SAR1A: variants seen among roughly 807,000 people sequenced by gnomAD.
The protein encoded by SAR1A is secretion associated Ras related GTPase 1A, also known as small COPII coat GTPase SAR1A.
SAR1A carries 6 observed loss-of-function variants against 22.6 expected under a neutral mutation model. That is an observed-to-expected ratio of 0.27 (90% CI 0.15 to 0.52). SAR1A has a LOEUF of 0.52. SAR1A is among the 20% of genes least tolerant of loss of function. The pLI, the probability that SAR1A is intolerant of heterozygous loss-of-function variation, is 0.96. For synonymous variants in SAR1A, 70 were observed against 82.2 expected (o/e 0.85, Z 0.80); for missense variants, 145 against 245.1 (o/e 0.59, Z 2.73).
intron 1 of SAR1A, among the ~76,000 whole-genome samples, chr10:70,167,120 C>CA (rs1389019498): frequency 2.6e-5 from 4 of 152,112 alleles, no homozygotes; most frequent in Non-Finnish European, 5.9e-5. Context: ...TCATAGCTAT[C>CA]AAAAGCTACT....
chr10:70,161,117 C>A, intron 3 of SAR1A, 48 bp from the exon 4 acceptor site: 1 of 1,318,752 alleles, frequency 7.6e-7, no homozygotes, highest in Admixed American at 1.7e-5. Context: ...ACTCAACAAC[C>A]CCCAACTACT....
At chr10:70,164,222 CAA>C (rs199818175) in intron 1 of SAR1A, 3 of 545,946 alleles carry the variant, frequency 5.5e-6, no homozygotes, top group South Asian at 2.2e-5. Flanking sequence ...TCCCTACTGT[CAA>C]AAAAAAATAT....
chr10:70,153,767 T>A, intron 6 of SAR1A, 71 bp downstream of exon 6: 1 of 1,303,720 alleles, frequency 7.7e-7, no homozygotes, highest in South Asian at 1.6e-5. Context: ...AAGGGTAATC[T>A]AGATAGCGAA....
At chr10:70,163,673 A>G in intron 1 of SAR1A, 1 of 756,240 alleles carries the variant, frequency 1.3e-6, no homozygotes, top group Non-Finnish European at 2.5e-6. Flanking sequence ...GGAAACCAGT[A>G]GCACTTGCAG....
intron 6 of SAR1A, among the ~76,000 whole-genome samples, 173 bp from the exon 7 acceptor site, chr10:70,152,765 G>C (rs1327826968): frequency 6.6e-6 from 1 of 152,238 alleles, no homozygotes; most frequent in Non-Finnish European, 1.5e-5. Flanking sequence ...CGTGTTTTCA[G>C]GATAGAATAA....
intron 5 of SAR1A, chr10:70,155,180 G>A: frequency 4.2e-6 from 2 of 478,886 alleles, no homozygotes; most frequent in South Asian, 3.1e-5. Flanking sequence ...TCAGTATAAT[G>A]AATTCACAAA....
intron 1 of SAR1A, among the ~76,000 whole-genome samples, chr10:70,166,108 G>A (rs1407084332): frequency 2.0e-5 from 3 of 152,214 alleles, no homozygotes; most frequent in Non-Finnish European, 4.4e-5. Context: ...TAATGCTACT[G>A]TACACTTAAC....
intron 1 of SAR1A, among the ~76,000 whole-genome samples, chr10:70,165,262 C>T (rs1031049402): frequency 6.3e-5 from 3 of 47,976 alleles, no homozygotes; most frequent in Non-Finnish European, 1.4e-4. Context: ...GAGACTCCGT[C>T]TCAAAAAAAA....
intron 1 of SAR1A, among the ~76,000 whole-genome samples, chr10:70,169,555 G>A (rs1211957335): frequency 6.6e-6 from 1 of 152,158 alleles, no homozygotes; most frequent in Non-Finnish European, 1.5e-5. Flanking sequence ...GAAAAGGAGG[G>A]CACCAATCTG....
rs1387667896 is a variant in SAR1A at position 70,151,274 on chromosome 10, A to AAAAAAAAAAAC, written c.*1191_*1201dup. The stretch of plus-strand genomic sequence containing the variant: ...AATTTCATACCAAAAAAAAAAAAAA[A>AAAAAAAAAAAC]AAAAAAAAAACCTGGAAAAGCTACA... On this transcript the variant is annotated 3_prime_UTR_variant, in exon 7 of 7. Transcript: ENST00000373241. The AAAAAAAAAAAC allele has an allele frequency of 1.3e-5, 2 of 149,772 alleles. No individual in the cohort carries two copies. Among genetic ancestry groups the AAAAAAAAAAAC allele is most frequent in the African/African-American group, 2.4e-5 (1 of 41,204 alleles). The allele number at this position is 149,772 out of a possible 1,614,324, so 9.3% of individuals were successfully genotyped here. A position where few individuals can be genotyped will look rare whatever the true frequency, so the allele number is the denominator to read the frequency against.
rs577903702 is a variant in SAR1A, at chr10:70,163,745, G to C, written c.-16-1814C>G. 53 of 940,806 alleles carry C rather than the reference G, an allele frequency of 5.6e-5. No homozygotes were observed. In the South Asian group the frequency reaches 6.8e-4, roughly 12 times the overall value. The allele number at this position is 940,806 out of a possible 1,614,324, so 58.3% of individuals were successfully genotyped here. On this transcript the variant is annotated intron_variant, in intron 1 of 6. Coordinates refer to ENST00000373241, the MANE Select transcript of SAR1A (RefSeq NM_020150.5). ...ATTCAAAGAAGTTTTTTCACTATTT[G>C]ACAAAGATGGTGATGGAACTATAAC...
chr10:70,156,514 T>A (rs4746972), intron 5 of SAR1A, among the ~76,000 whole-genome samples: 13 of 151,688 alleles, frequency 8.6e-5, no homozygotes, highest in East Asian at 3.9e-4. Context: ...AACACTTTTT[T>A]AAAAAAAATT....
Position 70,161,874 on chromosome 10 carries a change from A to G in SAR1A, c.42T>C (p.Ser14=), listed in dbSNP as rs931039182. The change falls in exon 2 of 7, where the codon AGT becomes AGC. Residue 14 remains serine (S), a synonymous_variant. Transcript: ENST00000373241. Reference sequence around the variant, plus strand: ...TGGCTTTACCTAGGAACTGGAGCACACTGCTGAAGCCATTGTAGATCCACT... The same window carrying G: ...TGGCTTTACCTAGGAACTGGAGCACGCTGCTGAAGCCATTGTAGATCCACT... ...IFEWIYNGFS[S]VLQFLGLYKK... is the part of the protein sequence containing the mutation. 5.0e-6 allele frequency: 8 copies of G among 1,613,216 alleles called. No homozygotes were observed. Among genetic ancestry groups the G allele is most frequent in the African/African-American group, 1.3e-5 (1 of 74,918 alleles).
chr10:70,162,440 A>C (rs1314813652), intron 1 of SAR1A, among the ~76,000 whole-genome samples: 3 of 132,364 alleles, frequency 2.3e-5, no homozygotes, highest in Non-Finnish European at 3.3e-5. Flanking sequence ...AAGGAAAGGA[A>C]AAGAAAAGAA....
intron 6 of SAR1A, among the ~76,000 whole-genome samples, chr10:70,153,118 A>C (rs908695441): frequency 2.0e-5 from 3 of 152,260 alleles, no homozygotes; most frequent in Admixed American, 1.3e-4. Context: ...CTAAGGAACC[A>C]TGTAAAAAAG....
rs1839300793 is a variant in SAR1A at position 70,149,416 on chromosome 10, ACT to A, written c.*3058_*3059del. 2 of 151,812 alleles carry A rather than the reference ACT, an allele frequency of 1.3e-5. No homozygotes were observed. The highest frequency in any genetic ancestry group is 4.8e-5 in the African/African-American group (2 of 41,306). The allele number at this position is 151,812 out of a possible 1,614,324, so 9.4% of individuals were successfully genotyped here. ...TACTTGGTTGAAAAGAACCCATTGC[ACT>A]GTTTCCCACTGTTTGTCCCAGTACT... On this transcript the variant is annotated 3_prime_UTR_variant, in exon 7 of 7. Transcript: ENST00000373241.
At chr10:70,161,234 C>A (rs978029006) in intron 3 of SAR1A, 165 bp from the exon 4 acceptor site, 1 of 585,420 alleles carries the variant, frequency 1.7e-6, no homozygotes, top group African/African-American at 1.9e-5. Context: ...AGGCTGAGGG[C>A]AGGAGGATAA....
At position 70,148,443 on chromosome 10, in the gene SAR1A, G is replaced by A. The variant is rs1013488781; in HGVS notation, c.*4033C>T. On this transcript the variant is annotated 3_prime_UTR_variant, in exon 7 of 7. Transcript: ENST00000373241. ...CTTCTTTTGGTTCTATGACACAGAA[G>A]GTGGCTTGATCACAGCACAATTTCT... 1.3e-5 allele frequency: 2 copies of A among 152,132 alleles called. No individual in the cohort carries two copies. The highest frequency in any genetic ancestry group is 2.4e-5 in the African/African-American group (1 of 41,398). The allele number at this position is 152,132 out of a possible 1,614,324, so 9.4% of individuals were successfully genotyped here.
intron 5 of SAR1A, among the ~76,000 whole-genome samples, chr10:70,155,314 A>T (rs1473339451): frequency 6.6e-6 from 1 of 152,218 alleles, no homozygotes; most frequent in East Asian, 1.9e-4. Context: ...ATGATTAAAA[A>T]AAAAATTTAA....
Sources: gnomAD v4.1 joint callset for allele counts (sites outside exome capture counted in the v4.1 genomes callset) on GRCh38, gnomAD v4.1.1 for gene constraint, MANE v1.5 for transcripts, NCBI Gene and HGNC (gene_info 2026-07-23, HGNC 2026-07-21) for gene names.